Variants in RPS6KA2 observed in about 807,000 individuals in gnomAD.
The protein encoded by RPS6KA2 is ribosomal protein S6 kinase A2.
Under a neutral mutation model 91.8 loss-of-function variants are expected in RPS6KA2, and 42 were observed. The observed-to-expected ratio is 0.46, with a 90% CI of 0.36 to 0.59. RPS6KA2 has a LOEUF of 0.59. RPS6KA2 is among the 20% of genes least tolerant of loss of function. The probability of loss-of-function intolerance (pLI) is 0.00; values close to 1 mark genes in which losing one functional copy is unlikely to be tolerated. For synonymous variants in RPS6KA2, 414 were observed against 393.6 expected (o/e 1.05, Z -0.61); for missense variants, 798 against 978.5 (o/e 0.82, Z 2.46).
At chr6:166,839,383 T>C (rs1300122379) in intron 2 of RPS6KA2, among the ~76,000 whole-genome samples, 1 of 152,052 alleles carries the variant, frequency 6.6e-6, no homozygotes, top group African/African-American at 2.4e-5. Context: ...AGTGTCTACG[T>C]GGCCTTTTCC....
At position 166,616,596 on chromosome 6, in the gene RPS6KA2, G is replaced by A. The variant is rs114235391; in HGVS notation, c.99+10325C>T. ...AGGGAGATGAACATGCAGAACCCCC[G>A]ACCCTGACTCCGGAAAATGGCTCCA... is the stretch of plus-strand genomic sequence containing the variant. On this transcript the variant is annotated intron_variant, in intron 1 of 20. Transcript: ENST00000265678. Among the ~76,000 whole-genome samples, 850 of 152,284 alleles carry A rather than the reference G, an allele frequency of 5.6e-3. 7 individuals are homozygous for A. The highest frequency in any genetic ancestry group is 0.02 in the African/African-American group (813 of 41,552).
In RPS6KA2 at chr6:166,423,228, C is replaced by A. The variant is rs562765261; in HGVS notation, c.1743+28G>T. Reference sequence around the variant, plus strand: ...GAGCCTGTCTTTGCGGATAGAGAGGCCTGGGTCTGCAGTCGGGGAATGCTC... The same window carrying A: ...GAGCCTGTCTTTGCGGATAGAGAGGACTGGGTCTGCAGTCGGGGAATGCTC... On this transcript the variant is annotated intron_variant, in intron 17 of 20. Transcript: ENST00000265678. The surrounding 1 kb of genome is among the most constrained non-coding windows in gnomAD (Gnocchi z 4.8). The A allele has an allele frequency of 6.3e-6, 10 of 1,587,454 alleles. No individual in the cohort carries two copies. The highest frequency in any genetic ancestry group is 4.0e-5 in the African/African-American group (3 of 74,514).
intron 2 of RPS6KA2, among the ~76,000 whole-genome samples, chr6:166,817,404 C>T (rs1400290717): frequency 1.3e-4 from 3 of 23,884 alleles, no homozygotes; most frequent in Non-Finnish European, 6.2e-4. Flanking sequence ...CGCATGTAAA[C>T]ACACACACAC....
At chr6:166,778,911 G>C (rs9457205) in intron 2 of RPS6KA2, among the ~76,000 whole-genome samples, 2 of 152,116 alleles carry the variant, frequency 1.3e-5, no homozygotes, top group Non-Finnish European at 2.9e-5. Context: ...ACTCTGGCCC[G>C]TTGCTATTGA....
At chr6:166,772,358 G>C (rs983483049) in intron 2 of RPS6KA2, among the ~76,000 whole-genome samples, 1 of 152,096 alleles carries the variant, frequency 6.6e-6, no homozygotes, top group Non-Finnish European at 1.5e-5. Flanking sequence ...TCTGGGGTTT[G>C]TGCTTGCTCT....
intron 2 of RPS6KA2, chr6:166,701,116 G>A (rs1170697015): frequency 6.2e-7 from 1 of 1,611,108 alleles, no homozygotes; most frequent in Non-Finnish European, 8.5e-7. Flanking sequence ...TGACTGAGGT[G>A]GTCCACTTTG....
chr6:166,859,153 A>G (rs1780985027), intron 1 of RPS6KA2, among the ~76,000 whole-genome samples: 1 of 152,270 alleles, frequency 6.6e-6, no homozygotes, highest in Non-Finnish European at 1.5e-5. Context: ...AATCATCTCT[A>G]TCCAAGCTTG....
In RPS6KA2 at chr6:166,413,822, A is replaced by T; in HGVS notation, c.2048T>A (p.Leu683His). The change falls in exon 20 of 21, where the codon CTC (leucine) becomes CAC (histidine). Residue 683 changes from leucine to histidine, a missense_variant. Physicochemically the swap from Leu to His is moderately conservative, Grantham distance 99 (BLOSUM62 -3). Coordinates refer to ENST00000265678, the MANE Select transcript of RPS6KA2 (RefSeq NM_021135.6). ...CACCAGGTGCACGTCCTGTCGGCTG[A>T]GCTGGTTTGGGGACAGGTACTCTCT... The part of the protein sequence containing the change: ...VNREYLSPNQ[L>H]SRQDVHLVKG... The T allele has an allele frequency of 6.2e-7, 1 of 1,614,098 alleles. No homozygotes were observed. Among genetic ancestry groups the T allele is most frequent in the Non-Finnish European group, 8.5e-7 (1 of 1,180,014 alleles).
At chr6:166,432,549 T>C in intron 14 of RPS6KA2, 59 bp from the exon 15 acceptor site, 1 of 1,054,062 alleles carries the variant, frequency 9.5e-7, no homozygotes, top group Non-Finnish European at 1.5e-6. Context: ...GGGTGGTATC[T>C]GCTGGTGGAC....
rs78209867 is a variant in RPS6KA2, at chr6:166,554,244, C to T, written c.100-15460G>A. Among the ~76,000 whole-genome samples the T allele has an allele frequency of 2.3e-3, 350 of 152,362 alleles. 3 individuals are homozygous for T. The highest frequency in any genetic ancestry group is 8.0e-3 in the African/African-American group (334 of 41,580). On this transcript the variant is annotated intron_variant, in intron 1 of 20. Transcript: ENST00000265678. This position sits in a 1 kb window ranked among gnomAD's most constrained non-coding sequence, Gnocchi z 4.3. ...CAAATAATGATGACCTGAGAAGCGA[C>T]TGCTACCCCTTTCCCAGAAGTAAGA...
chr6:166,510,414 C>G, intron 3 of RPS6KA2, 57 bp from the exon 4 acceptor site: 2 of 1,148,914 alleles, frequency 1.7e-6, no homozygotes, highest in Admixed American at 2.1e-5. Context: ...TTCTGAGGAA[C>G]ACTGAACATG....
At chr6:166,517,462 T>TCG (rs1782691699) in intron 3 of RPS6KA2, among the ~76,000 whole-genome samples, 1 of 59,322 alleles carries the variant, frequency 1.7e-5, no homozygotes, top group African/African-American at 5.1e-5. Flanking sequence ...TTTGTTTTTT[T>TCG]TTTTTTTTTT....
chr6:166,792,617 C>A (rs1264825440), intron 2 of RPS6KA2, among the ~76,000 whole-genome samples: 2 of 152,058 alleles, frequency 1.3e-5, no homozygotes, highest in African/African-American at 2.4e-5. Flanking sequence ...AAAATACTGG[C>A]AAACCAAATC....
At chr6:166,528,918 A>G (rs961971364) in intron 3 of RPS6KA2, among the ~76,000 whole-genome samples, 10 of 152,312 alleles carry the variant, frequency 6.6e-5, no homozygotes, top group African/African-American at 2.4e-5. Flanking sequence ...AAGTCAGGAA[A>G]CAACAGGTGC....
intron 6 of RPS6KA2, 116 bp from the exon 7 acceptor site, chr6:166,501,040 C>T: frequency 2.3e-6 from 2 of 866,904 alleles, no homozygotes; most frequent in Non-Finnish European, 1.8e-6. Context: ...TCAGGGAGCC[C>T]TGATGGAGCT....
chr6:166,466,277 G>A (rs567092745), intron 11 of RPS6KA2, among the ~76,000 whole-genome samples: 7 of 152,298 alleles, frequency 4.6e-5, no homozygotes, highest in African/African-American at 1.2e-4. Context: ...GGAAAAAGGC[G>A]GCTTCTGCTC....
chr6:166,617,893 A>T (rs1786477146), intron 1 of RPS6KA2, among the ~76,000 whole-genome samples: 1 of 152,216 alleles, frequency 6.6e-6, no homozygotes, highest in African/African-American at 2.4e-5. Flanking sequence ...CTTCACCAGC[A>T]TTTTTAGCGG....
chr6:166,532,657 G>C (rs540577595), intron 2 of RPS6KA2, among the ~76,000 whole-genome samples: 1 of 152,134 alleles, frequency 6.6e-6, no homozygotes, highest in Non-Finnish European at 1.5e-5. Context: ...ACCCCTACCC[G>C]GGGTGCAGGA....
chr6:166,518,023 C>G (rs1782717428), intron 3 of RPS6KA2, among the ~76,000 whole-genome samples: 1 of 152,108 alleles, frequency 6.6e-6, no homozygotes, highest in Non-Finnish European at 1.5e-5. Context: ...CGCTATATTT[C>G]TGTGTGTGTG....
Sources: gnomAD v4.1 joint callset for allele counts (sites outside exome capture counted in the v4.1 genomes callset) on GRCh38, gnomAD v4.1.1 for gene constraint, Gnocchi (gnomAD v3.1) non-coding constraint, MANE v1.5 for transcripts, NCBI Gene and HGNC (gene_info 2026-07-23, HGNC 2026-07-21) for gene names.